Variants in AKT3 observed in about 807,000 individuals in gnomAD.
The protein encoded by AKT3 is AKT serine/threonine kinase 3, also known as RAC-gamma serine/threonine-protein kinase.
A neutral mutation model predicts 65.3 loss-of-function variants in AKT3; 15 were observed. The ratio of observed to expected loss-of-function variants is 0.23; its 90% CI spans 0.15 to 0.35. AKT3 has a LOEUF of 0.35. AKT3 is among the 10% of genes least tolerant of loss of function. AKT3 has a pLI of 1.00. For missense variants in AKT3, 243 were observed against 576.5 expected (o/e 0.42, Z 5.92); for synonymous variants, 206 against 183.8 (o/e 1.12, Z -0.98).
intron 12 of AKT3, among the ~76,000 whole-genome samples, chr1:243,516,130 A>T (rs1368544087): frequency 6.6e-6 from 1 of 152,230 alleles, no homozygotes; most frequent in Non-Finnish European, 1.5e-5. Flanking sequence ...GTTGGTGAAA[A>T]TATGTGGGTC....
intron 8 of AKT3, among the ~76,000 whole-genome samples, chr1:243,579,886 T>C (rs1558629676): frequency 6.6e-6 from 1 of 152,172 alleles, no homozygotes; most frequent in African/African-American, 2.4e-5. Context: ...TGAAGAAACA[T>C]AAAATTTAAT....
chr1:243,652,284 A>G (rs1352836097), intron 4 of AKT3, among the ~76,000 whole-genome samples: 1 of 152,062 alleles, frequency 6.6e-6, no homozygotes, highest in Non-Finnish European at 1.5e-5. Flanking sequence ...TCCTGACCTC[A>G]GGTGATCCAC....
intron 4 of AKT3, among the ~76,000 whole-genome samples, chr1:243,654,081 A>G (rs942881199): frequency 3.3e-5 from 5 of 152,088 alleles, no homozygotes; most frequent in African/African-American, 1.2e-4. Flanking sequence ...TATATGCCAG[A>G]ATAATTTCTA....
intron 13 of AKT3, among the ~76,000 whole-genome samples, chr1:243,491,270 T>TA (rs1160163087): frequency 2.0e-5 from 3 of 152,140 alleles, no homozygotes; most frequent in East Asian, 1.9e-4. Flanking sequence ...CAAAACGCAT[T>TA]AAAAAAACCC....
At chr1:243,848,629 C>A (rs1695615080) in intron 1 of AKT3, among the ~76,000 whole-genome samples, 1 of 152,150 alleles carries the variant, frequency 6.6e-6, no homozygotes, top group Non-Finnish European at 1.5e-5. Context: ...ATGTATAGTT[C>A]TACTAAAAGA....
At chr1:243,639,839 C>T (rs911966354) in intron 5 of AKT3, among the ~76,000 whole-genome samples, 1 of 152,218 alleles carries the variant, frequency 6.6e-6, no homozygotes, top group Non-Finnish European at 1.5e-5. Context: ...AACTTGCTTT[C>T]ACTTTATTCT....
chr1:243,789,737 C>T (rs1252818192), intron 2 of AKT3, among the ~76,000 whole-genome samples: 1 of 152,182 alleles, frequency 6.6e-6, no homozygotes, highest in East Asian at 1.9e-4. Flanking sequence ...CCTATGGCAG[C>T]AGCCATACCC....
intron 3 of AKT3, among the ~76,000 whole-genome samples, chr1:243,693,015 A>G (rs1178445565): frequency 6.6e-6 from 1 of 151,642 alleles, no homozygotes; most frequent in Non-Finnish European, 1.5e-5. Context: ...CAATGAGTAT[A>G]ACACTATCTT....
chr1:243,727,779 AAG>A (rs1263882178), intron 2 of AKT3, among the ~76,000 whole-genome samples: 1 of 152,204 alleles, frequency 6.6e-6, no homozygotes, highest in Non-Finnish European at 1.5e-5. Context: ...CAAAGAAAAA[AAG>A]AGAACCAAGA....
rs747032695 is a variant in AKT3, at chr1:243,593,459, C to T, written c.696+20212G>A. Among the ~76,000 whole-genome samples, 17 of 152,190 alleles carry T rather than the reference C, an allele frequency of 1.1e-4. No individual in the cohort carries two copies. In the South Asian group the frequency reaches 2.1e-3, roughly 19 times the overall value. Reference sequence around the variant, plus strand: ...CCCAGCACTTTGGGAGGCCTAGGTGCGTGGATCACTTGAGGGTAAGAGTTC... The same window carrying T: ...CCCAGCACTTTGGGAGGCCTAGGTGTGTGGATCACTTGAGGGTAAGAGTTC... On this transcript the variant is annotated intron_variant, in intron 8 of 13. Transcript: ENST00000673466.
intron 3 of AKT3, among the ~76,000 whole-genome samples, chr1:243,686,647 A>ATTTTTTTT (rs1684328368): frequency 4.3e-5 from 1 of 23,208 alleles, no homozygotes; most frequent in Non-Finnish European, 1.0e-4. Flanking sequence ...ATATATATAT[A>ATTTTTTTT]TATATTTTTT....
chr1:243,527,798 C>T (rs550059372), intron 12 of AKT3, among the ~76,000 whole-genome samples: 1 of 148,680 alleles, frequency 6.7e-6, no homozygotes, highest in East Asian at 1.9e-4. Context: ...GCCAGGAATT[C>T]GAGGCTGCAG....
chr1:243,643,382 C>T (rs528278008), intron 5 of AKT3, among the ~76,000 whole-genome samples: 11 of 152,176 alleles, frequency 7.2e-5, no homozygotes, highest in Non-Finnish European at 1.6e-4. Flanking sequence ...AGAATTTTGA[C>T]TCTCACTTGG....
intron 12 of AKT3, among the ~76,000 whole-genome samples, chr1:243,513,381 T>C (rs1481722613): frequency 6.6e-6 from 1 of 152,046 alleles, no homozygotes; most frequent in African/African-American, 2.4e-5. Context: ...AGAATACAGT[T>C]CTCACGGGGA....
chr1:243,647,758 T>G (rs879321069), intron 4 of AKT3, among the ~76,000 whole-genome samples: 3 of 152,216 alleles, frequency 2.0e-5, no homozygotes, highest in Non-Finnish European at 2.9e-5. Context: ...CTTGCTTTAT[T>G]GCCCTAGATC....
At chr1:243,511,095 ACT>A (rs1241820103) in intron 13 of AKT3, among the ~76,000 whole-genome samples, 1 of 152,066 alleles carries the variant, frequency 6.6e-6, no homozygotes, top group African/African-American at 2.4e-5. Context: ...TTGAGTGGAA[ACT>A]CTGCCTCACC....
intron 3 of AKT3, among the ~76,000 whole-genome samples, chr1:243,683,411 T>C (rs1684061265): frequency 6.6e-6 from 1 of 152,208 alleles, no homozygotes; most frequent in South Asian, 2.1e-4. Flanking sequence ...TTAATTTTGA[T>C]GACTCCTATG....
intron 13 of AKT3, among the ~76,000 whole-genome samples, chr1:243,492,294 G>GTTT (rs1558547697): frequency 6.6e-5 from 4 of 60,160 alleles, no homozygotes; most frequent in African/African-American, 1.2e-4. Context: ...TCGTTTCTTG[G>GTTT]CTTTTTTTTT....
chr1:243,619,327 T>C (rs553174981), intron 6 of AKT3, among the ~76,000 whole-genome samples: 102 of 152,284 alleles, frequency 6.7e-4, no homozygotes, highest in Non-Finnish European at 3.1e-4. Flanking sequence ...GGGATATTCA[T>C]CACCTCCAAC....
Sources: allele counts gnomAD v4.1 joint callset (sites outside exome capture counted in the v4.1 genomes callset), GRCh38; gene constraint gnomAD v4.1.1; transcripts MANE v1.5; gene names NCBI Gene and HGNC (gene_info 2026-07-23, HGNC 2026-07-21).